The following PTPN13 variants were observed in gnomAD, a reference collection of about 807,000 sequenced individuals.
The protein encoded by PTPN13 is protein tyrosine phosphatase non-receptor type 13.
A neutral mutation model predicts 284.0 loss-of-function variants in PTPN13; 191 were observed. The observed-to-expected ratio is 0.67, with a 90% CI of 0.60 to 0.76. The LOEUF (loss-of-function observed/expected upper bound fraction) is 0.76, where lower values mean the gene tolerates loss of function less well. Ranked by LOEUF, PTPN13 falls within the 30% of genes least tolerant of loss-of-function variation. PTPN13 has a pLI of 0.00. For missense variants in PTPN13, 2,797 were observed against 2,939.9 expected (o/e 0.95, Z 1.12); for synonymous variants, 986 against 1,022.3 (o/e 0.96, Z 0.68).
In PTPN13 at chr4:86,743,953, C is replaced by T. The variant is rs138782641; in HGVS notation, c.2488-1013C>T. On this transcript the variant is annotated intron_variant, in intron 16 of 47. Transcript: ENST00000411767. ...TCCAGAGACATTAGTCTTAGATCCCCGACATGTTGAACACTGGTCTCTTAA... is the reference window on the plus strand; with the variant it reads ...TCCAGAGACATTAGTCTTAGATCCCTGACATGTTGAACACTGGTCTCTTAA... 1.4e-4 allele frequency among the ~76,000 whole-genome samples: 22 copies of T among 152,194 alleles called. No individual in the cohort carries two copies. The East Asian group carries it at 3.9e-3, about 27-fold the overall frequency.
chr4:86,663,586 A>G (rs539418365), intron 2 of PTPN13, among the ~76,000 whole-genome samples: 5 of 152,182 alleles, frequency 3.3e-5, no homozygotes, highest in African/African-American at 7.2e-5. Flanking sequence ...GGTTTTCTCA[A>G]ATACCAAGGT....
rs1266965734 is a variant in PTPN13, at chr4:86,772,820, T to A, written c.5211T>A (p.Ser1737Arg). 1 of 1,613,010 alleles carries A rather than the reference T, an allele frequency of 6.2e-7. No homozygotes were observed. The highest frequency in any genetic ancestry group is 1.3e-5 in the African/African-American group (1 of 74,854). The stretch of plus-strand genomic sequence containing the variant: ...CACCGGATATGGCTCCTGGGCAGAG[T>A]TATCAACCCCAATCAGAATCTGCTT... Reference protein sequence around the residue: ...PLPPDMAPGQSYQPQSESASS... With the variant: ...PLPPDMAPGQRYQPQSESASS... Residue 1737 changes from serine to arginine, a missense_variant, in exon 32 of 48, where the codon AGT (serine) becomes AGA (arginine). Transcript: ENST00000411767.
chr4:86,650,285 C>G (rs915880186), intron 2 of PTPN13, among the ~76,000 whole-genome samples: 4 of 151,944 alleles, frequency 2.6e-5, no homozygotes, highest in African/African-American at 4.8e-5. Context: ...CAACGTCTGG[C>G]CTTCATCACT....
At position 86,809,827 on chromosome 4, in the gene PTPN13, C is replaced by T. The variant is rs61730641; in HGVS notation, c.7142C>T (p.Thr2381Ile). 0.013 allele frequency: 21,154 copies of T among 1,614,008 alleles called. 189 individuals carry two copies. Among genetic ancestry groups the T allele is most frequent in the Non-Finnish European group, 0.016 (18,853 of 1,179,870 alleles). Residue 2381 changes from threonine to isoleucine, a missense_variant, in exon 46 of 48, where the codon ACA (threonine) becomes ATA (isoleucine). Physicochemically the swap from Thr to Ile is moderately conservative, Grantham distance 89 (BLOSUM62 -1). Transcript: ENST00000411767. ...LNFTAWPDHDTPSQPDDLLTF... is the reference protein window; with the variant it reads ...LNFTAWPDHDIPSQPDDLLTF... ...TTCACTGCCTGGCCAGACCATGATACACCTTCTCAACCAGATGATCTGCTT... is the reference window on the plus strand; with the variant it reads ...TTCACTGCCTGGCCAGACCATGATATACCTTCTCAACCAGATGATCTGCTT...
intron 1 of PTPN13, among the ~76,000 whole-genome samples, chr4:86,614,644 G>GGTTGT (rs1316756695): frequency 1.3e-5 from 2 of 152,064 alleles, no homozygotes; most frequent in Non-Finnish European, 2.9e-5. Flanking sequence ...CTGATAATAA[G>GGTTGT]GTTGTGTTGT....
intron 1 of PTPN13, among the ~76,000 whole-genome samples, chr4:86,610,824 G>A (rs1765197074): frequency 6.6e-6 from 1 of 152,160 alleles, no homozygotes; most frequent in Admixed American, 6.5e-5. Flanking sequence ...CCTTACACTT[G>A]CATGAACTTG....
intron 17 of PTPN13, among the ~76,000 whole-genome samples, chr4:86,747,688 A>T (rs1405313356): frequency 2.6e-5 from 4 of 152,162 alleles, no homozygotes; most frequent in African/African-American, 9.7e-5. Flanking sequence ...GTATATATAG[A>T]TATAACAGGT....
chr4:86,598,452 A>T (rs1764019046), intron 1 of PTPN13, among the ~76,000 whole-genome samples: 1 of 152,172 alleles, frequency 6.6e-6, no homozygotes, highest in Admixed American at 6.5e-5. Context: ...GTCCCTCTCA[A>T]GGTATTTTGA....
chr4:86,737,326 A>T (rs1036299594), intron 15 of PTPN13, among the ~76,000 whole-genome samples: 1 of 152,058 alleles, frequency 6.6e-6, no homozygotes, highest in Non-Finnish European at 1.5e-5. Flanking sequence ...CAGTTCAGCA[A>T]TCACCTCCAC....
intron 7 of PTPN13, among the ~76,000 whole-genome samples, chr4:86,706,460 AC>A (rs1353089870): frequency 6.6e-6 from 1 of 152,190 alleles, no homozygotes; most frequent in Non-Finnish European, 1.5e-5. Context: ...AAAATGAGGC[AC>A]TTTTGGTTTT....
chr4:86,621,145 A>G (rs1721185124), intron 1 of PTPN13, among the ~76,000 whole-genome samples: 1 of 151,600 alleles, frequency 6.6e-6, no homozygotes, highest in Non-Finnish European at 1.5e-5. Flanking sequence ...GCTGGGGTAC[A>G]CGTGGGGATC....
chr4:86,758,620 A>G (rs1030617207), intron 21 of PTPN13, 58 bp from the exon 22 acceptor site: 1 of 1,405,300 alleles, frequency 7.1e-7, no homozygotes, highest in African/African-American at 1.4e-5. Flanking sequence ...AGGCAGGCTA[A>G]TCATTAGTCT....
intron 2 of PTPN13, among the ~76,000 whole-genome samples, chr4:86,645,222 C>G (rs947761611): frequency 6.6e-6 from 1 of 152,034 alleles, no homozygotes; most frequent in African/African-American, 2.4e-5. Context: ...CAAGCAAACT[C>G]TCATCTAGGA....
At chr4:86,757,417 AT>A (rs1738104181) in intron 20 of PTPN13, among the ~76,000 whole-genome samples, 1 of 152,190 alleles carries the variant, frequency 6.6e-6, no homozygotes, top group African/African-American at 2.4e-5. Flanking sequence ...TTTGAAATGA[AT>A]GAAGATCCTT....
chr4:86,701,387 G>T lies in PTPN13; in HGVS notation c.781G>T (p.Asp261Tyr). Reference protein sequence around the residue: ...DENYFKDILSDNSGREDSENT... With the variant: ...DENYFKDILSYNSGREDSENT... ...GAATTATTTCAAGGACATTTTATCA[G>T]ATAATTCTGGACGTGAAGATTCTGA... Residue 261 changes from aspartate (D) to tyrosine (Y), a missense_variant, in exon 7 of 48, where the codon GAT (aspartate) becomes TAT (tyrosine). By Grantham distance (160) the Asp-to-Tyr change is radical. Transcript: ENST00000411767. 6.2e-7 allele frequency: 1 copy of T among 1,613,348 alleles called. No homozygotes were observed. The highest frequency in any genetic ancestry group is 8.5e-7 in the Non-Finnish European group (1 of 1,179,530).
intron 1 of PTPN13, among the ~76,000 whole-genome samples, chr4:86,595,146 G>T (rs532043300): frequency 2.7e-4 from 41 of 152,252 alleles, no homozygotes; most frequent in Admixed American, 1.4e-3. Flanking sequence ...GCACAGCTCC[G>T]CTCTGTGCGT....
intron 2 of PTPN13, among the ~76,000 whole-genome samples, chr4:86,660,223 A>G (rs533740853): frequency 2.0e-5 from 3 of 152,316 alleles, no homozygotes; most frequent in Non-Finnish European, 4.4e-5. Flanking sequence ...GAGAATAGCA[A>G]TAATTTGCCT....
chr4:86,767,910 C>T lies in PTPN13; in HGVS notation c.4423C>T (p.Gln1475Ter). ...GTGTACCCTTTCAGATCAGAATGCCCAAGGTCAAGGCCCAGAAAAAGTGAA... is the reference window on the plus strand; with the variant it reads ...GTGTACCCTTTCAGATCAGAATGCCTAAGGTCAAGGCCCAGAAAAAGTGAA... The part of the protein sequence containing the change: ...PQCTLSDQNA[Q>*]GQGPEKVKKT... Residue 1475 changes from glutamine to a stop codon, truncating the protein, a stop_gained, in exon 28 of 48, where the codon CAA (glutamine) becomes TAA (stop). Transcript: ENST00000411767. LOFTEE classifies it high-confidence loss of function. The T allele has an allele frequency of 1.2e-6, 2 of 1,609,710 alleles. No homozygotes were observed. Among genetic ancestry groups the T allele is most frequent in the Non-Finnish European group, 1.7e-6 (2 of 1,177,894 alleles).
intron 31 of PTPN13, 140 bp from the exon 32 acceptor site, chr4:86,772,633 TAGTCC>T (rs1578632479): frequency 1.8e-6 from 1 of 551,354 alleles, no homozygotes; most frequent in East Asian, 3.0e-5. Context: ...AGTAAATTCA[TAGTCC>T]AGAGTCATAC....
Sources: gnomAD v4.1 joint callset for allele counts (sites outside exome capture counted in the v4.1 genomes callset) on GRCh38, gnomAD v4.1.1 for gene constraint, MANE v1.5 for transcripts, NCBI Gene and HGNC (gene_info 2026-07-23, HGNC 2026-07-21) for gene names.